Variants in LRP6 observed in about 807,000 individuals in gnomAD.
LRP6 encodes low-density lipoprotein receptor-related protein 6.
In LRP6, 43 loss-of-function variants were observed where a neutral mutation model predicts 184.1. That is an observed-to-expected ratio of 0.23 (90% CI 0.18 to 0.30). The LOEUF is 0.30. LRP6 is among the 10% of genes least tolerant of loss of function. LRP6 has a pLI of 1.00. For synonymous variants in LRP6, 719 were observed against 684.9 expected (o/e 1.05, Z -0.78); for missense variants, 1,571 against 2,005.3 (o/e 0.78, Z 4.14).
intron 3 of LRP6, among the ~76,000 whole-genome samples, chr12:12,190,236 T>G (rs1174374609): frequency 6.6e-6 from 1 of 152,166 alleles, no homozygotes; most frequent in East Asian, 1.9e-4. Context: ...GATTACCAAG[T>G]AAGCCTACCT....
chr12:12,118,146 G>T lies in LRP6; in HGVS notation c.*2980C>A, dbSNP rs1337753717. 1 of 152,178 alleles carries T rather than the reference G, an allele frequency of 6.6e-6. No homozygotes were observed. The highest frequency in any genetic ancestry group is 2.4e-5 in the African/African-American group (1 of 41,446). 9.4% of individuals were successfully genotyped at this position (152,178 alleles called of 1,614,324 possible). A position where few individuals can be genotyped will look rare whatever the true frequency, so the allele number is the denominator to read the frequency against. The stretch of plus-strand genomic sequence containing the variant: ...ATATGCTGTAAGAGTGGCAGAAAGT[G>T]CCAAAGGCATAATAAAATTTCATGG... On this transcript the variant is annotated 3_prime_UTR_variant, in exon 23 of 23. Transcript: ENST00000261349.
Position 12,244,727 on chromosome 12 carries a change from A to C in LRP6, c.56-72T>G, listed in dbSNP as rs1391501122. ...ATTGGTTCTTATAAACTGCGTTTCA[A>C]ATCGGTTTAAGTGAGCAAAGACTGT... On this transcript the variant is annotated intron_variant, in intron 1 of 22. Transcript: ENST00000261349. The C allele has an allele frequency of 3.2e-5, 47 of 1,452,154 alleles. No individual in the cohort carries two copies. In the South Asian group the frequency reaches 4.1e-4, roughly 13 times the overall value. The allele number at this position is 1,452,154 out of a possible 1,614,324, so 90.0% of individuals were successfully genotyped here.
intron 2 of LRP6, among the ~76,000 whole-genome samples, chr12:12,236,397 A>G (rs1445395239): frequency 1.3e-5 from 2 of 152,222 alleles, no homozygotes; most frequent in African/African-American, 4.8e-5. Context: ...ATGAATCCAT[A>G]CTAATTGTAT....
chr12:12,247,058 A>G (rs1865205777), intron 1 of LRP6, among the ~76,000 whole-genome samples: 1 of 152,144 alleles, frequency 6.6e-6, no homozygotes, highest in South Asian at 2.1e-4. Flanking sequence ...AAACTTCCCT[A>G]ACAGAGTCAC....
At chr12:12,180,102 G>GAAAA in intron 6 of LRP6, 121 bp from the exon 7 acceptor site, 1 of 557,458 alleles carries the variant, frequency 1.8e-6, no homozygotes. Flanking sequence ...CAAGGAAGGG[G>GAAAA]AAAAAAAAAA....
Position 12,254,621 on chromosome 12 carries a change from C to G in LRP6, c.56-9966G>C, listed in dbSNP as rs915652028. ...TGCAGAGGTTCAATGAGTCTGCCTT[C>G]TAGCTGGAAACATTACTTATGCAAC... is the stretch of plus-strand genomic sequence containing the variant. On this transcript the variant is annotated intron_variant, in intron 1 of 22. Transcript: ENST00000261349. Among the ~76,000 whole-genome samples the G allele has an allele frequency of 3.3e-5, 5 of 152,320 alleles. No individual in the cohort carries two copies. In the East Asian group the frequency reaches 9.6e-4, roughly 29 times the overall value.
At chr12:12,121,458 TA>T (rs774210345) in intron 22 of LRP6, 38 bp from the exon 23 acceptor site, 1 of 1,593,096 alleles carries the variant, frequency 6.3e-7, no homozygotes, top group East Asian at 2.2e-5. Flanking sequence ...CAGTTAGTTT[TA>T]CAAAAAAAAA....
intron 2 of LRP6, among the ~76,000 whole-genome samples, chr12:12,239,298 A>G (rs944676452): frequency 6.6e-6 from 1 of 152,222 alleles, no homozygotes; most frequent in Admixed American, 6.5e-5. Flanking sequence ...TGCAAAAGCC[A>G]ACTGGAAACG....
At chr12:12,167,511 C>T (rs1183672261) in intron 7 of LRP6, among the ~76,000 whole-genome samples, 7 of 151,752 alleles carry the variant, frequency 4.6e-5, no homozygotes, top group African/African-American at 7.3e-5. Flanking sequence ...GGCGTGGTGG[C>T]GCACACCTGT....
At chr12:12,191,829 GA>G (rs1029403191) in intron 3 of LRP6, among the ~76,000 whole-genome samples, 14 of 150,382 alleles carry the variant, frequency 9.3e-5, no homozygotes, top group African/African-American at 2.9e-4. Flanking sequence ...AATACATAAA[GA>G]AAAAAATGAA....
chr12:12,186,050 G>T (rs1863464678), intron 4 of LRP6, among the ~76,000 whole-genome samples: 1 of 151,908 alleles, frequency 6.6e-6, no homozygotes, highest in Admixed American at 6.6e-5. Flanking sequence ...GTTTCACCAT[G>T]TTGGCCAGGC....
chr12:12,173,031 C>A (rs1429430481), intron 7 of LRP6, among the ~76,000 whole-genome samples: 1 of 152,186 alleles, frequency 6.6e-6, no homozygotes, highest in African/African-American at 2.4e-5. Context: ...TGCAAGGAAT[C>A]AGGCATTGAA....
At chr12:12,180,553 T>C (rs74061123) in intron 6 of LRP6, among the ~76,000 whole-genome samples, 19,943 of 151,992 alleles carry the variant, frequency 0.13, 1,716 homozygotes, top group African/African-American at 0.24. Context: ...CCCTGGACTA[T>C]GATCAGGGTG....
At chr12:12,166,329 G>C (rs897412908) in intron 7 of LRP6, among the ~76,000 whole-genome samples, 1 of 152,108 alleles carries the variant, frequency 6.6e-6, no homozygotes, top group Non-Finnish European at 1.5e-5. Flanking sequence ...GCATTTCCAG[G>C]AACATGTACT....
chr12:12,129,532 T>C (rs193072575), intron 19 of LRP6, among the ~76,000 whole-genome samples: 22 of 152,244 alleles, frequency 1.4e-4, no homozygotes, highest in South Asian at 6.2e-4. Flanking sequence ...ATGAACACTA[T>C]TCATTGATCA....
At chr12:12,219,163 T>C (rs879755526) in intron 2 of LRP6, among the ~76,000 whole-genome samples, 2 of 152,128 alleles carry the variant, frequency 1.3e-5, no homozygotes, top group Admixed American at 6.5e-5. Context: ...GGGCCCACTT[T>C]AGTTACAAAT....
chr12:12,139,121 G>T, intron 15 of LRP6: 2 of 683,520 alleles, frequency 2.9e-6, no homozygotes, highest in Non-Finnish European at 4.0e-6. Context: ...GCTTTATTCA[G>T]TTTCTCCCTC....
chr12:12,136,816 C>T (rs1340168505), intron 16 of LRP6, among the ~76,000 whole-genome samples: 1 of 152,066 alleles, frequency 6.6e-6, no homozygotes, highest in Non-Finnish European at 1.5e-5. Context: ...TGATAAAAAT[C>T]CCATTCTCTT....
intron 7 of LRP6, among the ~76,000 whole-genome samples, chr12:12,177,245 G>A (rs17819999): frequency 0.44 from 67,386 of 151,990 alleles, 17,927 homozygotes; most frequent in East Asian, 0.77. Flanking sequence ...TTTCATTCTC[G>A]GGCATGACAA....
Sources: allele counts gnomAD v4.1 joint callset (sites outside exome capture counted in the v4.1 genomes callset), GRCh38; gene constraint gnomAD v4.1.1; transcripts MANE v1.5; gene names NCBI Gene and HGNC (gene_info 2026-07-23, HGNC 2026-07-21).